VOPP1: variants seen among roughly 807,000 people sequenced by gnomAD.
VOPP1 encodes WW domain binding protein VOPP1.
A neutral mutation model predicts 23.5 loss-of-function variants in VOPP1; 8 were observed. That is an observed-to-expected ratio of 0.34 (90% confidence interval 0.20 to 0.61). VOPP1 has a LOEUF of 0.61. Ranked by LOEUF, VOPP1 falls within the 20% of genes least tolerant of loss-of-function variation. VOPP1 has a pLI of 0.78. For missense variants in VOPP1, 174 were observed against 238.1 expected (o/e 0.73, Z 1.77); for synonymous variants, 83 against 97.3 (o/e 0.85, Z 0.86).
chr7:55,521,075 TA>T lies in VOPP1; in HGVS notation c.109del (p.Tyr37IlefsTer31). 6.3e-7 allele frequency: 1 copy of T among 1,577,410 alleles called. No individual in the cohort carries two copies. The highest frequency in any genetic ancestry group is 8.6e-7 in the Non-Finnish European group (1 of 1,160,426). ...WYFEGLYPTY[Y>X]ICRSYEDCCG... ...ACAGAAAGGTGCAAATACTTACATA[TA>T]ATAGGTTGGATAGAGTCCTTCGAAA... On this transcript the variant is annotated frameshift_variant, in exon 2 of 5. Coordinates refer to ENST00000285279, the MANE Select transcript of VOPP1 (RefSeq NM_030796.5). LOFTEE classifies it high-confidence loss of function.
At chr7:55,506,762 C>A (rs1417576018) in intron 2 of VOPP1, among the ~76,000 whole-genome samples, 1 of 151,166 alleles carries the variant, frequency 6.6e-6, no homozygotes, top group African/African-American at 2.4e-5. Flanking sequence ...CCTCAGCCTC[C>A]CAAGTAGCTG....
chr7:55,438,762 T>C (rs973382269), intron 4 of VOPP1, among the ~76,000 whole-genome samples: 8 of 152,126 alleles, frequency 5.3e-5, no homozygotes, highest in Admixed American at 3.9e-4. Flanking sequence ...CTGGCCCACA[T>C]TGTAAAGGGA....
At chr7:55,445,216 G>GAC (rs145051208) in intron 4 of VOPP1, among the ~76,000 whole-genome samples, 2 of 102,408 alleles carry the variant, frequency 2.0e-5, no homozygotes, top group Non-Finnish European at 4.7e-5. Context: ...CACACACACA[G>GAC]ACACACACAC....
intron 1 of VOPP1, among the ~76,000 whole-genome samples, chr7:55,563,646 T>C (rs954091503): frequency 6.6e-6 from 1 of 152,222 alleles, no homozygotes; most frequent in Non-Finnish European, 1.5e-5. Context: ...CTTACACATA[T>C]AGCCTGAAGG....
At chr7:55,466,164 T>TA (rs1421430614), downstream of VOPP1, among the ~76,000 whole-genome samples, 1 of 152,166 alleles carries the variant, frequency 6.6e-6, no homozygotes, top group Non-Finnish European at 1.5e-5. Context: ...TTCCTGACCT[T>TA]AGACTTCCGA....
intron 4 of VOPP1, among the ~76,000 whole-genome samples, chr7:55,442,068 C>A (rs1023713751): frequency 6.6e-6 from 1 of 152,162 alleles, no homozygotes; most frequent in Non-Finnish European, 1.5e-5. Flanking sequence ...TTGAGCTGGG[C>A]ACTGTGCAAA....
At position 55,568,248 on chromosome 7, in the gene VOPP1, T is replaced by G. The variant is rs188042181; in HGVS notation, c.54+4023A>C. Among the ~76,000 whole-genome samples the G allele has an allele frequency of 4.7e-3, 715 of 151,968 alleles. 4 individuals carry two copies. The highest frequency in any genetic ancestry group is 0.02 in the Middle Eastern group (6 of 294). On this transcript the variant is annotated intron_variant, in intron 1 of 4. Coordinates refer to ENST00000285279, the MANE Select transcript of VOPP1 (RefSeq NM_030796.5). Reference sequence around the variant, plus strand: ...GCGCCCGCCACCACGCCCAGCTAATTTTTTGTATTTTTAGTAGAGATGGGC... The same window carrying G: ...GCGCCCGCCACCACGCCCAGCTAATGTTTTGTATTTTTAGTAGAGATGGGC...
intron 3 of VOPP1, among the ~76,000 whole-genome samples, chr7:55,494,694 T>A (rs138312964): frequency 6.4e-4 from 98 of 152,324 alleles, no homozygotes; most frequent in African/African-American, 2.2e-3. Flanking sequence ...TGCCGAGTGA[T>A]CTCAAATTCC....
chr7:55,515,837 CAAA>C (rs1490027372), intron 2 of VOPP1: 2 of 382,488 alleles, frequency 5.2e-6, no homozygotes, highest in African/African-American at 4.4e-5. Context: ...TCTTCTCTGA[CAAA>C]CGCCACCTTA....
intron 1 of VOPP1, chr7:55,537,716 A>C: frequency 7.0e-7 from 1 of 1,421,438 alleles, no homozygotes; most frequent in Middle Eastern, 2.6e-4. Context: ...CGCTACAAGG[A>C]TTCAAGAAGC....
intron 3 of VOPP1, among the ~76,000 whole-genome samples, chr7:55,495,856 ACATTAATGACTCAG>A (rs1420246398): frequency 6.6e-6 from 1 of 152,212 alleles, no homozygotes; most frequent in Non-Finnish European, 1.5e-5. Flanking sequence ...CGGAATCTCA[ACATTAATGACTCAG>A]CCCCATCTTC....
At chr7:55,529,547 G>A (rs1374617939) in intron 1 of VOPP1, among the ~76,000 whole-genome samples, 4 of 152,070 alleles carry the variant, frequency 2.6e-5, no homozygotes, top group African/African-American at 4.8e-5. Context: ...CATGATACTT[G>A]AAGGATCAGG....
chr7:55,519,736 A>G (rs1795715217), intron 2 of VOPP1, among the ~76,000 whole-genome samples: 1 of 152,184 alleles, frequency 6.6e-6, no homozygotes, highest in Non-Finnish European at 1.5e-5. Context: ...CCTGCTTGTC[A>G]GTATGAAACC....
chr7:55,473,226 G>A (rs1791973245), intron 4 of VOPP1, among the ~76,000 whole-genome samples, 181 bp from the exon 5 acceptor site: 1 of 152,214 alleles, frequency 6.6e-6, no homozygotes, highest in African/African-American at 2.4e-5. Flanking sequence ...CAATAGGCAG[G>A]TCCCTGCCCT....
At chr7:55,441,960 A>T (rs1790976093) in intron 4 of VOPP1, among the ~76,000 whole-genome samples, 1 of 151,888 alleles carries the variant, frequency 6.6e-6, no homozygotes, top group South Asian at 2.1e-4. Context: ...AGCAACAGGG[A>T]CTCCTCATTC....
intron 4 of VOPP1, among the ~76,000 whole-genome samples, chr7:55,448,768 G>A (rs967688155): frequency 2.0e-5 from 3 of 152,248 alleles, no homozygotes; most frequent in Non-Finnish European, 4.4e-5. Context: ...CTGCCAGGGC[G>A]CTGGCAACGG....
At chr7:55,510,873 T>C (rs909613817) in intron 2 of VOPP1, among the ~76,000 whole-genome samples, 14 of 152,082 alleles carry the variant, frequency 9.2e-5, no homozygotes, top group African/African-American at 3.1e-4. Context: ...CCACCCCGCT[T>C]CAAAGATCAG....
chr7:55,517,439 C>A (rs1308358978), intron 2 of VOPP1, among the ~76,000 whole-genome samples: 1 of 152,106 alleles, frequency 6.6e-6, no homozygotes, highest in Admixed American at 6.5e-5. Context: ...GCAGCCATCA[C>A]CATCCCCGGG....
chr7:55,494,718 C>T (rs753114218), intron 3 of VOPP1, among the ~76,000 whole-genome samples: 2 of 152,180 alleles, frequency 1.3e-5, no homozygotes, highest in Non-Finnish European at 2.9e-5. Context: ...CTTCAGTGAT[C>T]CTCCCACCTT....
Sources: allele counts gnomAD v4.1 joint callset (sites outside exome capture counted in the v4.1 genomes callset), GRCh38; gene constraint gnomAD v4.1.1; transcripts MANE v1.5; gene names NCBI Gene and HGNC (gene_info 2026-07-23, HGNC 2026-07-21).